The following TLK2 variants were observed in gnomAD, a reference collection of about 807,000 sequenced individuals.
The protein encoded by TLK2 is serine/threonine-protein kinase tousled-like 2.
TLK2 carries 6 observed loss-of-function variants against 117.3 expected under a neutral mutation model. That is an observed-to-expected ratio of 0.05 (90% CI 0.03 to 0.10). TLK2 has a LOEUF of 0.10. Ranked by LOEUF, TLK2 falls within the 10% of genes least tolerant of loss-of-function variation. The pLI, the probability that TLK2 is intolerant of heterozygous loss-of-function variation, is 1.00. For missense variants in TLK2, 299 were observed against 901.2 expected (o/e 0.33, Z 8.56); for synonymous variants, 257 against 316.7 (o/e 0.81, Z 2.00).
At chr17:62,570,196 T>TC (rs1451190735) in intron 11 of TLK2, among the ~76,000 whole-genome samples, 1 of 152,208 alleles carries the variant, frequency 6.6e-6, no homozygotes, top group African/African-American at 2.4e-5. Context: ...ACTAACGACT[T>TC]TAACACATCT....
intron 18 of TLK2, 72 bp from the exon 19 acceptor site, chr17:62,601,970 T>C: frequency 7.2e-7 from 1 of 1,390,868 alleles, no homozygotes; most frequent in Non-Finnish European, 9.8e-7. Context: ...CCCCTTCTTA[T>C]CTGCTATTAC....
At chr17:62,549,420 A>AAAAAAAAAAAAAAAT (rs2078246821) in intron 7 of TLK2, among the ~76,000 whole-genome samples, 2 of 7,452 alleles carry the variant, frequency 2.7e-4, no homozygotes, top group East Asian at 0.016. Context: ...AAAAAAAAAA[A>AAAAAAAAAAAAAAAT]AAAAAAAAAA....
chr17:62,611,178 C>G, intron 21 of TLK2, among the ~76,000 whole-genome samples: 1 of 152,088 alleles, frequency 6.6e-6, no homozygotes, highest in East Asian at 1.9e-4. Flanking sequence ...GTATTTAAGC[C>G]AAGATAACCT....
chr17:62,593,887 G>C (rs942377921), intron 16 of TLK2, among the ~76,000 whole-genome samples: 1 of 150,540 alleles, frequency 6.6e-6, no homozygotes, highest in African/African-American at 2.4e-5. Flanking sequence ...CTGCCTCCTG[G>C]GTTCAAGCGT....
intron 2 of TLK2, among the ~76,000 whole-genome samples, chr17:62,483,292 G>A (rs535606904): frequency 2.6e-5 from 4 of 151,300 alleles, no homozygotes; most frequent in African/African-American, 9.7e-5. Flanking sequence ...TTTTAGGTTC[G>A]TGATGGCTGT....
chr17:62,577,396 T>C (rs1307517179), intron 13 of TLK2, among the ~76,000 whole-genome samples: 1 of 152,168 alleles, frequency 6.6e-6, no homozygotes, highest in Non-Finnish European at 1.5e-5. Flanking sequence ...AATTTAAATA[T>C]ATAACAAGAG....
At chr17:62,478,577 C>T (rs866010238), upstream of TLK2, among the ~76,000 whole-genome samples, 804 of 150,542 alleles carry the variant, frequency 5.3e-3, 30 homozygotes, top group South Asian at 0.085. Flanking sequence ...CCGCCCTCAG[C>T]CGTCCGGCGA....
chr17:62,533,528 G>A (rs543463689), intron 6 of TLK2, among the ~76,000 whole-genome samples: 1 of 150,854 alleles, frequency 6.6e-6, no homozygotes, highest in South Asian at 2.1e-4. Context: ...CCAGGCTGGA[G>A]TGCAGTGGTG....
At chr17:62,553,220 T>G (rs1015844783) in intron 8 of TLK2, among the ~76,000 whole-genome samples, 2 of 152,168 alleles carry the variant, frequency 1.3e-5, no homozygotes, top group African/African-American at 4.8e-5. Flanking sequence ...CCAGCTCTTG[T>G]ACAGTTCAGT....
At chr17:62,591,581 G>A (rs1166269908) in intron 16 of TLK2, among the ~76,000 whole-genome samples, 1 of 152,076 alleles carries the variant, frequency 6.6e-6, no homozygotes, top group African/African-American at 2.4e-5. Flanking sequence ...CTGGCAAGTC[G>A]TTTTTTGGAA....
intron 2 of TLK2, among the ~76,000 whole-genome samples, chr17:62,499,454 C>T (rs898062346): frequency 6.6e-6 from 1 of 151,984 alleles, no homozygotes; most frequent in Non-Finnish European, 1.5e-5. Context: ...TGTTAGGCAC[C>T]GTGCCCAGCC....
intron 7 of TLK2, among the ~76,000 whole-genome samples, chr17:62,537,563 G>C (rs2077198803): frequency 6.6e-6 from 1 of 152,206 alleles, no homozygotes; most frequent in Non-Finnish European, 1.5e-5. Context: ...GTCCCAGTCT[G>C]AGTGAGTGTA....
At chr17:62,611,341 T>C (rs1386291164) in intron 21 of TLK2, among the ~76,000 whole-genome samples, 3 of 152,210 alleles carry the variant, frequency 2.0e-5, no homozygotes, top group Non-Finnish European at 4.4e-5. Flanking sequence ...CAGATTGGCA[T>C]TGTATTATTA....
intron 17 of TLK2, among the ~76,000 whole-genome samples, chr17:62,598,346 G>C (rs780620853): frequency 4.6e-5 from 7 of 152,166 alleles, no homozygotes; most frequent in Admixed American, 4.6e-4. Context: ...TTTAACTAAT[G>C]TGAGAAATTG....
intron 12 of TLK2, chr17:62,574,325 A>T: frequency 6.5e-7 from 1 of 1,539,714 alleles, no homozygotes. Flanking sequence ...AGTTTATGTT[A>T]AATGCTTATT....
intron 2 of TLK2, among the ~76,000 whole-genome samples, chr17:62,520,548 G>C (rs1450729242): frequency 6.6e-6 from 1 of 151,696 alleles, no homozygotes. Context: ...GTGGTGGTGG[G>C]CACCTGTAAT....
chr17:62,513,426 T>C (rs2075318704), intron 2 of TLK2, among the ~76,000 whole-genome samples: 1 of 149,828 alleles, frequency 6.7e-6, no homozygotes, highest in African/African-American at 2.5e-5. Flanking sequence ...ACTCCTGAGC[T>C]CCCGCCTGAG....
chr17:62,473,112 G>A (rs1302183040), intron 1 of TLK2, among the ~76,000 whole-genome samples: 1 of 152,168 alleles, frequency 6.6e-6, no homozygotes, highest in East Asian at 1.9e-4. Flanking sequence ...TACAGGCTGT[G>A]GGGCTGGGGG....
chr17:62,603,431 G>A (rs2083021065), intron 19 of TLK2, among the ~76,000 whole-genome samples: 1 of 152,114 alleles, frequency 6.6e-6, no homozygotes, highest in African/African-American at 2.4e-5. Flanking sequence ...GTCACTAAGT[G>A]ATACAAAAAT....
Sources: gnomAD v4.1 joint callset for allele counts (sites outside exome capture counted in the v4.1 genomes callset) on GRCh38, gnomAD v4.1.1 for gene constraint, MANE v1.5 for transcripts, NCBI Gene and HGNC (gene_info 2026-07-23, HGNC 2026-07-21) for gene names.